Variants in ADGRB3 observed in about 807,000 individuals in gnomAD.
The protein encoded by ADGRB3 is brain-specific angiogenesis inhibitor 3.
A neutral mutation model predicts 193.4 loss-of-function variants in ADGRB3; 37 were observed. That is an observed-to-expected ratio of 0.19 (90% CI 0.15 to 0.25). ADGRB3 has a LOEUF of 0.25. Ranked by LOEUF, ADGRB3 falls within the 10% of genes least tolerant of loss-of-function variation. The pLI, the probability that ADGRB3 is intolerant of heterozygous loss-of-function variation, is 1.00. For missense variants in ADGRB3, 1,637 were observed against 1,852.9 expected (o/e 0.88, Z 2.14); for synonymous variants, 690 against 644.2 (o/e 1.07, Z -1.08).
At chr6:69,268,467 C>T (rs1767096690) in intron 20 of ADGRB3, among the ~76,000 whole-genome samples, 1 of 152,144 alleles carries the variant, frequency 6.6e-6, no homozygotes, top group South Asian at 2.1e-4. Context: ...AGACTTCTCT[C>T]TAAGCAATCA....
chr6:69,019,277 C>T (rs1770190094), intron 13 of ADGRB3, among the ~76,000 whole-genome samples: 1 of 151,900 alleles, frequency 6.6e-6, no homozygotes, highest in African/African-American at 2.4e-5. Context: ...TACTTTAATA[C>T]TCTTAACATA....
chr6:68,886,025 A>G (rs1765897706), intron 3 of ADGRB3, among the ~76,000 whole-genome samples: 1 of 152,166 alleles, frequency 6.6e-6, no homozygotes, highest in Non-Finnish European at 1.5e-5. Flanking sequence ...ATAGACCCTC[A>G]AGGAAAAGTG....
intron 17 of ADGRB3, among the ~76,000 whole-genome samples, chr6:69,177,350 AT>A (rs70987456): frequency 0.088 from 13,075 of 149,140 alleles, 682 homozygotes; most frequent in Non-Finnish European, 0.11. Flanking sequence ...TATTTCAAAG[AT>A]TTTTTTTTTT....
chr6:69,159,630 T>G (rs1162604192), intron 17 of ADGRB3, among the ~76,000 whole-genome samples: 2 of 152,156 alleles, frequency 1.3e-5, no homozygotes, highest in Non-Finnish European at 2.9e-5. Context: ...GAGAAAGCTC[T>G]AATGATTATA....
intron 3 of ADGRB3, among the ~76,000 whole-genome samples, chr6:68,707,949 G>C (rs919766259): frequency 2.6e-5 from 4 of 152,148 alleles, no homozygotes; most frequent in African/African-American, 9.7e-5. Context: ...CAAGAGGATG[G>C]CTAAGCAGAG....
chr6:68,931,985 T>C lies in ADGRB3; in HGVS notation c.868+1316T>C, dbSNP rs547457630. On this transcript the variant is annotated intron_variant, in intron 4 of 31. Transcript: ENST00000370598. ...TATTTTTACTATTTGTTTGAACAAG[T>C]CTAAAAGTGCATTATCAGGTTTAGG... Among the ~76,000 whole-genome samples, 50 of 152,280 alleles carry C rather than the reference T, an allele frequency of 3.3e-4. 1 individual carries two copies. The South Asian group carries it at 9.7e-3, about 30-fold the overall frequency.
chr6:69,136,359 A>G (rs1774149235), intron 17 of ADGRB3, among the ~76,000 whole-genome samples: 1 of 152,156 alleles, frequency 6.6e-6, no homozygotes, highest in South Asian at 2.1e-4. Flanking sequence ...AAAAAATGAA[A>G]GAATGTATAC....
rs547886759 is a variant in ADGRB3 at position 69,225,765 on chromosome 6, C to T, written c.2481-7525C>T. 1.5e-3 allele frequency among the ~76,000 whole-genome samples: 227 copies of T among 152,158 alleles called. No homozygotes were observed. The Middle Eastern group carries it at 0.017, about 11-fold the overall frequency. On this transcript the variant is annotated intron_variant, in intron 17 of 31. Transcript: ENST00000370598. Reference sequence around the variant, plus strand: ...CTCCATTTTCCTATAGAGGAAATAACAATAATATTTACCTTGGTATTTAGT... The same window carrying T: ...CTCCATTTTCCTATAGAGGAAATAATAATAATATTTACCTTGGTATTTAGT...
intron 17 of ADGRB3, among the ~76,000 whole-genome samples, chr6:69,178,155 G>T (rs949465471): frequency 6.6e-6 from 1 of 152,160 alleles, no homozygotes; most frequent in Non-Finnish European, 1.5e-5. Context: ...TGCATCTTTT[G>T]TTGAACTGAA....
chr6:69,016,589 T>G (rs1770099148), intron 12 of ADGRB3, among the ~76,000 whole-genome samples: 1 of 151,944 alleles, frequency 6.6e-6, no homozygotes, highest in Admixed American at 6.6e-5. Context: ...ATTTTGCCAC[T>G]TGAAGCAAAA....
intron 3 of ADGRB3, among the ~76,000 whole-genome samples, chr6:68,829,169 G>A (rs374528763): frequency 9.5e-4 from 130 of 137,450 alleles, no homozygotes; most frequent in African/African-American, 2.8e-3. Context: ...GCACAATCTC[G>A]GCTCACTGAA....
chr6:69,157,361 G>A (rs1463716584), intron 17 of ADGRB3, among the ~76,000 whole-genome samples: 1 of 152,198 alleles, frequency 6.6e-6, no homozygotes, highest in Non-Finnish European at 1.5e-5. Flanking sequence ...TGGAGCACTT[G>A]TGAGGGCATA....
At chr6:68,883,438 A>G (rs1022446711) in intron 3 of ADGRB3, among the ~76,000 whole-genome samples, 13 of 152,194 alleles carry the variant, frequency 8.5e-5, no homozygotes, top group African/African-American at 1.2e-4. Flanking sequence ...TCCACGTTGT[A>G]GGAGCTTTGT....
At chr6:68,686,594 A>T (rs747686874) in intron 3 of ADGRB3, among the ~76,000 whole-genome samples, 1 of 152,214 alleles carries the variant, frequency 6.6e-6, no homozygotes, top group Non-Finnish European at 1.5e-5. Context: ...TTTAGCACAC[A>T]TCAGTGGAGT....
intron 17 of ADGRB3, among the ~76,000 whole-genome samples, chr6:69,103,182 T>C (rs1416463135): frequency 6.6e-6 from 1 of 152,222 alleles, no homozygotes; most frequent in Non-Finnish European, 1.5e-5. Flanking sequence ...ATGTACATAA[T>C]GACATTCACC....
chr6:68,732,423 A>G (rs1765791282), intron 3 of ADGRB3, among the ~76,000 whole-genome samples: 2 of 151,964 alleles, frequency 1.3e-5, no homozygotes, highest in Admixed American at 6.6e-5. Context: ...CTATTTATAA[A>G]GGAAAATTGT....
intron 17 of ADGRB3, among the ~76,000 whole-genome samples, chr6:69,112,566 T>A (rs1270361238): frequency 6.6e-6 from 1 of 152,156 alleles, no homozygotes; most frequent in African/African-American, 2.4e-5. Flanking sequence ...TATACCTATC[T>A]ATATAGCTAT....
chr6:69,144,875 T>TTC (rs1774438006), intron 17 of ADGRB3, among the ~76,000 whole-genome samples: 1 of 39,044 alleles, frequency 2.6e-5, no homozygotes, highest in Non-Finnish European at 6.2e-5. Context: ...TTTGTTTGAG[T>TTC]GTTCTTTCTT....
Position 69,325,067 on chromosome 6 carries a change from T to A in ADGRB3, c.2965+45T>A, listed in dbSNP as rs771039176. 7 of 1,581,080 alleles carry A rather than the reference T, an allele frequency of 4.4e-6. No individual in the cohort carries two copies. The South Asian group carries it at 7.0e-5, about 16-fold the overall frequency. ...GTTTCATGCTCTTCTCAAAATGACG[T>A]TGAACACACATTAGAAAGCAGTCAT... is the stretch of plus-strand genomic sequence containing the variant. On this transcript the variant is annotated intron_variant, in intron 21 of 31. Transcript: ENST00000370598.
Sources: allele counts gnomAD v4.1 joint callset (sites outside exome capture counted in the v4.1 genomes callset), GRCh38; gene constraint gnomAD v4.1.1; transcripts MANE v1.5; gene names NCBI Gene and HGNC (gene_info 2026-07-23, HGNC 2026-07-21).